The following ZFR2 variants were observed in gnomAD, a reference collection of about 807,000 sequenced individuals.
ZFR2 encodes zinc finger RNA binding protein 2, also known as zinc finger RNA-binding protein 2.
A neutral mutation model predicts 105.7 loss-of-function variants in ZFR2; 104 were observed. The observed-to-expected ratio is 0.98, with a 90% CI of 0.84 to 1.16. The LOEUF is 1.16. Among genes scored for constraint, ZFR2 ranks in the 50% most tolerant of loss-of-function variants. The probability of loss-of-function intolerance (pLI) is 0.00; values close to 1 mark genes in which losing one functional copy is unlikely to be tolerated. For missense variants in ZFR2, 1,425 were observed against 1,355.5 expected (o/e 1.05, Z -0.80); for synonymous variants, 634 against 597.7 (o/e 1.06, Z -0.89).
At chr19:3,806,265 C>T (rs10416506) in intron 18 of ZFR2, 140 bp from the exon 19 acceptor site, 21,668 of 971,770 alleles carry the variant, frequency 0.022, 353 homozygotes, top group African/African-American at 0.064. Context: ...CCCGGCCCCC[C>T]GCCGCTTTCT....
In ZFR2 at chr19:3,813,495, G is replaced by C. The variant is rs1458764920; in HGVS notation, c.2242+325C>G. On this transcript the variant is annotated intron_variant, in intron 14 of 18. Coordinates refer to ENST00000262961, the MANE Select transcript of ZFR2 (RefSeq NM_015174.2). The surrounding 1 kb of genome is among the most constrained non-coding windows in gnomAD (Gnocchi z 4.4). ...GGCTCAGACCTGTCCTTTGCCGCCA[G>C]GGCTGGTGTCACCAGGGCCTGAGAA... Among the ~76,000 whole-genome samples the C allele has an allele frequency of 3.9e-5, 6 of 152,204 alleles. No homozygotes were observed. Among genetic ancestry groups the C allele is most frequent in the Non-Finnish European group, 8.8e-5 (6 of 68,034 alleles).
rs961308736 is a variant in ZFR2, at chr19:3,811,322, TG to T, written c.2286del (p.Lys763ArgfsTer27). 1.2e-5 allele frequency: 19 copies of T among 1,605,936 alleles called. No individual in the cohort carries two copies. Among genetic ancestry groups the T allele is most frequent in the Middle Eastern group, 1.7e-4 (1 of 6,014 alleles). ...PQADAGDVLS[P>X]KKCLESLAAL... ...GCGGCCAGGGACTCGAGGCACTTCT[TG>T]GGGCTCAGGACATCACCTGCATCAG... On this transcript the variant is annotated frameshift_variant, in exon 15 of 19. Coordinates refer to ENST00000262961, the MANE Select transcript of ZFR2 (RefSeq NM_015174.2). LOFTEE classifies it high-confidence loss of function.
chr19:3,808,762 GC>G, intron 17 of ZFR2, 109 bp downstream of exon 17: 1 of 929,602 alleles, frequency 1.1e-6, no homozygotes, highest in Non-Finnish European at 1.6e-6. Flanking sequence ...TCCTGCCTGG[GC>G]TGGACACTTC....
chr19:3,822,032 G>A lies in ZFR2; in HGVS notation c.1491+49C>T, dbSNP rs1322649641. The A allele has an allele frequency of 9.1e-6, 14 of 1,541,150 alleles. No homozygotes were observed. The African/African-American group carries it at 1.1e-4, about 12-fold the overall frequency. On this transcript the variant is annotated intron_variant, in intron 9 of 18. Transcript: ENST00000262961. ...CCACAGGCCTCCCAGCGCCCGCCGG[G>A]CCCTAGCACAGCCCGGACGGGTGTC...
chr19:3,810,669 GTC>G, intron 16 of ZFR2, 79 bp downstream of exon 16: 1 of 1,338,088 alleles, frequency 7.5e-7, no homozygotes, highest in Non-Finnish European at 1.0e-6. Flanking sequence ...GAAAAGGTCT[GTC>G]TCTCAGCCTG....
chr19:3,839,319 G>C (rs2038110706), intron 1 of ZFR2, among the ~76,000 whole-genome samples: 1 of 151,944 alleles, frequency 6.6e-6, no homozygotes, highest in Non-Finnish European at 1.5e-5. Flanking sequence ...GATTACCCGA[G>C]GTCAGGAGTT....
At chr19:3,852,375 G>A (rs1186961452) in intron 1 of ZFR2, 2 of 666,750 alleles carry the variant, frequency 3.0e-6, no homozygotes, top group Non-Finnish European at 5.5e-6. Flanking sequence ...CTCTGCCCCT[G>A]GAGGGCAGCT....
intron 6 of ZFR2, 84 bp from the exon 7 acceptor site, chr19:3,825,491 G>A: frequency 6.7e-7 from 1 of 1,490,880 alleles, no homozygotes; most frequent in Non-Finnish European, 8.9e-7. Context: ...GGCCTCCACG[G>A]GCGTGCAGCG....
intron 3 of ZFR2, among the ~76,000 whole-genome samples, chr19:3,833,095 A>G (rs1201417596): frequency 6.6e-6 from 1 of 151,770 alleles, no homozygotes; most frequent in African/African-American, 2.4e-5. Context: ...AAAAATAGAA[A>G]AAAATTAGCC....
intron 1 of ZFR2, among the ~76,000 whole-genome samples, chr19:3,867,671 C>G (rs996272848): frequency 6.6e-6 from 1 of 152,024 alleles, no homozygotes; most frequent in Non-Finnish European, 1.5e-5. Flanking sequence ...GGTCCCAGTT[C>G]CCTGGAAACC....
chr19:3,823,214 C>T lies in ZFR2; in HGVS notation c.1371+32G>A, dbSNP rs371884755. ...ATCCATGGGAAGGTCCTTCCCTGAC[C>T]GGGGCACCAGGACTTGACAGCCTCG... On this transcript the variant is annotated intron_variant, in intron 8 of 18. Transcript: ENST00000262961. The surrounding 1 kb of genome is among the most constrained non-coding windows in gnomAD (Gnocchi z 5.4). The T allele has an allele frequency of 7.4e-5, 119 of 1,613,506 alleles. No homozygotes were observed. Among genetic ancestry groups the T allele is most frequent in the Middle Eastern group, 1.7e-4 (1 of 6,060 alleles).
At chr19:3,846,996 G>A (rs372513046) in intron 1 of ZFR2, among the ~76,000 whole-genome samples, 4 of 152,208 alleles carry the variant, frequency 2.6e-5, no homozygotes, top group South Asian at 2.1e-4. Flanking sequence ...GGTCAGCGGC[G>A]GGCAGCAGGA....
At position 3,813,042 on chromosome 19, in the gene ZFR2, T is replaced by C. The variant is rs2037784202; in HGVS notation, c.2242+778A>G. ...TTGCAGTGAGCTGAGATTGCGCCATTGCACTCCAGCCTGGGCAACAGAGCG... is the reference window on the plus strand; with the variant it reads ...TTGCAGTGAGCTGAGATTGCGCCATCGCACTCCAGCCTGGGCAACAGAGCG... On this transcript the variant is annotated intron_variant, in intron 14 of 18. Coordinates refer to ENST00000262961, the MANE Select transcript of ZFR2 (RefSeq NM_015174.2). This position sits in a 1 kb window ranked among gnomAD's most constrained non-coding sequence, Gnocchi z 4.4. Among the ~76,000 whole-genome samples, 1 of 152,158 alleles carries C rather than the reference T, an allele frequency of 6.6e-6. No individual in the cohort carries two copies. The highest frequency in any genetic ancestry group is 1.5e-5 in the Non-Finnish European group (1 of 68,044).
rs761274633 is a variant in ZFR2 at position 3,819,275 on chromosome 19, G to C, written c.1741-40C>G. 1.8e-5 allele frequency: 26 copies of C among 1,451,376 alleles called. No individual in the cohort carries two copies. The Admixed American group carries it at 7.1e-4, about 40-fold the overall frequency. The allele number at this position is 1,451,376 out of a possible 1,614,324, so 89.9% of individuals were successfully genotyped here. On this transcript the variant is annotated intron_variant, in intron 11 of 18. Transcript: ENST00000262961. ...CGCACGTGTCAAGGGTGGTCTGTGG[G>C]GACCCTTGGGGAGTGCTGGGCAGGC... is the stretch of plus-strand genomic sequence containing the variant.
At position 3,833,731 on chromosome 19, in the gene ZFR2, G is replaced by A. The variant is rs2038045685; in HGVS notation, c.312C>T (p.Asp104=). ...GGGCAGCAGACTGGAAGTACGGCCT[G>A]TCCTCATAGCTCCTGGCAGCTGCTG... ...GQSAAARSYE[D]RPYFQSAALQ... is the part of the protein sequence containing the mutation. Residue 104 remains aspartate (D), a synonymous_variant, in exon 3 of 19, where the codon GAC becomes GAT. Coordinates refer to ENST00000262961, the MANE Select transcript of ZFR2 (RefSeq NM_015174.2). The A allele has an allele frequency of 6.3e-7, 1 of 1,583,606 alleles. No homozygotes were observed. The highest frequency in any genetic ancestry group is 8.6e-7 in the Non-Finnish European group (1 of 1,164,572).
At chr19:3,827,933 G>A (rs927335177) in intron 5 of ZFR2, among the ~76,000 whole-genome samples, 6 of 151,700 alleles carry the variant, frequency 4.0e-5, no homozygotes, top group African/African-American at 9.7e-5. Context: ...TGATTCTCCC[G>A]CCTCAGCCTC....
chr19:3,837,421 T>C (rs1297733125), intron 1 of ZFR2, among the ~76,000 whole-genome samples: 1 of 149,208 alleles, frequency 6.7e-6, no homozygotes, highest in Non-Finnish European at 1.5e-5. Context: ...ACTGTGGAAC[T>C]TGATGAACAC....
rs1433961138 is a variant in ZFR2 at position 3,834,596 on chromosome 19, C to T, written c.264+177G>A. 1.3e-5 allele frequency among the ~76,000 whole-genome samples: 2 copies of T among 152,168 alleles called. No individual in the cohort carries two copies. The highest frequency in any genetic ancestry group is 2.9e-5 in the Non-Finnish European group (2 of 68,010). On this transcript the variant is annotated intron_variant, in intron 2 of 18. Transcript: ENST00000262961. This position sits in a 1 kb window ranked among gnomAD's most constrained non-coding sequence, Gnocchi z 5.3. Reference sequence around the variant, plus strand: ...CGAGAGCAGTGGATTCTTTCGGAAGCGACTCTGCCCTGATTTCTCCCCACC... The same window carrying T: ...CGAGAGCAGTGGATTCTTTCGGAAGTGACTCTGCCCTGATTTCTCCCCACC...
rs1353931700 is a variant in ZFR2 at position 3,858,021 on chromosome 19, T to G, written c.53+10944A>C. On this transcript the variant is annotated intron_variant, in intron 1 of 18. Coordinates refer to ENST00000262961, the MANE Select transcript of ZFR2 (RefSeq NM_015174.2). This position sits in a 1 kb window ranked among gnomAD's most constrained non-coding sequence, Gnocchi z 4.3. ...CCAGGCTAATGTCTTTTGATGGCTT[T>G]TTGGTCGGAGAATTTGTTTTGGGAA... Among the ~76,000 whole-genome samples the G allele has an allele frequency of 6.6e-6, 1 of 152,198 alleles. No homozygotes were observed. The highest frequency in any genetic ancestry group is 1.5e-5 in the Non-Finnish European group (1 of 68,038).
Sources: allele counts gnomAD v4.1 joint callset (sites outside exome capture counted in the v4.1 genomes callset), GRCh38; gene constraint gnomAD v4.1.1; non-coding constraint Gnocchi (gnomAD v3.1); transcripts MANE v1.5; gene names NCBI Gene and HGNC (gene_info 2026-07-23, HGNC 2026-07-21).